GALNT18: variants seen among roughly 807,000 people sequenced by gnomAD.
The protein encoded by GALNT18 is GalNAc-transferase 18.
In GALNT18, 44 loss-of-function variants were observed where a neutral mutation model predicts 69.5. The observed-to-expected ratio is 0.63, with a 90% CI of 0.50 to 0.81. GALNT18 has a LOEUF of 0.81. Ranked by LOEUF, GALNT18 falls within the 40% of genes least tolerant of loss-of-function variation. GALNT18 has a pLI of 0.00. For synonymous variants in GALNT18, 364 were observed against 318.2 expected (o/e 1.14, Z -1.53); for missense variants, 715 against 810.0 (o/e 0.88, Z 1.42).
intron 1 of GALNT18, chr11:11,475,923 C>T (rs1856385097): frequency 6.6e-6 from 1 of 152,170 alleles, no homozygotes; most frequent in South Asian, 2.1e-4. Context: ...AAACAACAGG[C>T]ACTGAATCCA....
At chr11:11,360,523 A>C (rs1850622491) in intron 6 of GALNT18, among the ~76,000 whole-genome samples, 1 of 152,168 alleles carries the variant, frequency 6.6e-6, no homozygotes, top group South Asian at 2.1e-4. Flanking sequence ...CTAATTTTCT[A>C]GTTTTATTTT....
At chr11:11,311,739 G>A (rs1279088134) in intron 9 of GALNT18, among the ~76,000 whole-genome samples, 5 of 152,230 alleles carry the variant, frequency 3.3e-5, no homozygotes, top group African/African-American at 9.6e-5. Flanking sequence ...ATCCCAGGTC[G>A]CCATAAAAAT....
intron 1 of GALNT18, among the ~76,000 whole-genome samples, chr11:11,450,329 G>A (rs993481715): frequency 2.0e-5 from 3 of 152,176 alleles, no homozygotes; most frequent in African/African-American, 7.2e-5. Context: ...AGGCTGGAGT[G>A]CTGGGGCTAT....
At chr11:11,471,409 T>C (rs1361013578) in intron 1 of GALNT18, among the ~76,000 whole-genome samples, 1 of 152,184 alleles carries the variant, frequency 6.6e-6, no homozygotes, top group Non-Finnish European at 1.5e-5. Context: ...AGCCCTGACA[T>C]AGTATTGTTC....
intron 6 of GALNT18, among the ~76,000 whole-genome samples, chr11:11,344,172 G>C (rs898585073): frequency 2.0e-5 from 3 of 151,964 alleles, no homozygotes; most frequent in African/African-American, 4.8e-5. Flanking sequence ...CACCCCTCCA[G>C]CCCTGACCTT....
At chr11:11,431,043 T>C (rs1201402098) in intron 3 of GALNT18, among the ~76,000 whole-genome samples, 3 of 152,234 alleles carry the variant, frequency 2.0e-5, no homozygotes, top group Non-Finnish European at 4.4e-5. Flanking sequence ...AGACTCAATA[T>C]CAGCTTTGTC....
intron 10 of GALNT18, among the ~76,000 whole-genome samples, chr11:11,278,943 T>A (rs1028044071): frequency 6.6e-6 from 1 of 152,240 alleles, no homozygotes; most frequent in African/African-American, 2.4e-5. Context: ...TATGCCTGTA[T>A]GACAGCATTA....
In GALNT18 at chr11:11,500,794, T is replaced by C. The variant is rs1010214026; in HGVS notation, c.236-51858A>G. 6.6e-6 allele frequency among the ~76,000 whole-genome samples: 1 copy of C among 152,170 alleles called. No individual in the cohort carries two copies. Among genetic ancestry groups the C allele is most frequent in the South Asian group, 2.1e-4 (1 of 4,824 alleles). On this transcript the variant is annotated intron_variant, in intron 1 of 10. Transcript: ENST00000227756. The surrounding 1 kb of genome is among the most constrained non-coding windows in gnomAD (Gnocchi z 5.0). ...GGATCTCCTTTTCATGTATTTTCTG[T>C]ACAAATAAAGAAGGTAAAAAGGCCG...
chr11:11,380,969 G>A (rs529015359), intron 3 of GALNT18, among the ~76,000 whole-genome samples: 23 of 152,286 alleles, frequency 1.5e-4, no homozygotes, highest in South Asian at 6.2e-4. Context: ...GGCTGTCAGT[G>A]TCCTCATTCC....
intron 1 of GALNT18, among the ~76,000 whole-genome samples, chr11:11,482,318 G>C (rs999292590): frequency 2.6e-5 from 4 of 152,268 alleles, no homozygotes; most frequent in African/African-American, 9.6e-5. Context: ...CTCTGCCCTA[G>C]AGCTGTGCTC....
intron 1 of GALNT18, among the ~76,000 whole-genome samples, chr11:11,611,420 T>C (rs1001887947): frequency 6.6e-6 from 1 of 152,208 alleles, no homozygotes; most frequent in Non-Finnish European, 1.5e-5. Flanking sequence ...ACCCTCACCT[T>C]CTTCTTTGTA....
rs375972002 is a variant in GALNT18 at position 11,283,539 on chromosome 11, G to A, written c.1677+9490C>T. On this transcript the variant is annotated intron_variant, in intron 10 of 10. Coordinates refer to ENST00000227756, the MANE Select transcript of GALNT18 (RefSeq NM_198516.3). ...GTTGGGCACAGAGCATTGGAGGAAG[G>A]AAGGAAGAAGGGACACATGTTAGCC... Among the ~76,000 whole-genome samples, 11 of 152,294 alleles carry A rather than the reference G, an allele frequency of 7.2e-5. 1 individual carries two copies. The highest frequency in any genetic ancestry group is 2.4e-4 in the African/African-American group (10 of 41,556).
chr11:11,373,667 C>T (rs1850966093), intron 5 of GALNT18, among the ~76,000 whole-genome samples: 1 of 152,210 alleles, frequency 6.6e-6, no homozygotes, highest in African/African-American at 2.4e-5. Flanking sequence ...GAAGGCTTTT[C>T]CTTCCTTGAG....
rs141968338 is a variant in GALNT18 at position 11,544,356 on chromosome 11, C to T, written c.235+77003G>A. On this transcript the variant is annotated intron_variant, in intron 1 of 10. Coordinates refer to ENST00000227756, the MANE Select transcript of GALNT18 (RefSeq NM_198516.3). ...TAATAATGAAACACTCTGATACCTGCTAAGTTCCTTCTGTGCTAGTTCTGT... is the reference window on the plus strand; with the variant it reads ...TAATAATGAAACACTCTGATACCTGTTAAGTTCCTTCTGTGCTAGTTCTGT... Among the ~76,000 whole-genome samples the T allele has an allele frequency of 5.3e-4, 80 of 152,338 alleles. No homozygotes were observed. The East Asian group carries it at 0.015, about 29-fold the overall frequency.
In GALNT18 at chr11:11,619,267, A is replaced by G. The variant is rs1860129873; in HGVS notation, c.235+2092T>C. 6.6e-6 allele frequency among the ~76,000 whole-genome samples: 1 copy of G among 152,188 alleles called. No individual in the cohort carries two copies. Among genetic ancestry groups the G allele is most frequent in the Non-Finnish European group, 1.5e-5 (1 of 68,036 alleles). Reference sequence around the variant, plus strand: ...CCACAGGGGTCATTGCACGTGTACAAGTGGAACAACACGTGTTTTAGGGAC... The same window carrying G: ...CCACAGGGGTCATTGCACGTGTACAGGTGGAACAACACGTGTTTTAGGGAC... On this transcript the variant is annotated intron_variant, in intron 1 of 10. Coordinates refer to ENST00000227756, the MANE Select transcript of GALNT18 (RefSeq NM_198516.3). The surrounding 1 kb of genome is among the most constrained non-coding windows in gnomAD (Gnocchi z 4.9).
Position 11,542,236 on chromosome 11 carries a change from G to T in GALNT18, c.235+79123C>A, listed in dbSNP as rs1320090970. On this transcript the variant is annotated intron_variant, in intron 1 of 10. Transcript: ENST00000227756. The surrounding 1 kb of genome is among the most constrained non-coding windows in gnomAD (Gnocchi z 4.3). ...AAAGCAAAACAAAACTGTGGGAACAGCCTGTCATCTCACTCAGAGCTCCCC... is the reference window on the plus strand; with the variant it reads ...AAAGCAAAACAAAACTGTGGGAACATCCTGTCATCTCACTCAGAGCTCCCC... 1.3e-5 allele frequency among the ~76,000 whole-genome samples: 2 copies of T among 152,092 alleles called. No individual in the cohort carries two copies. Among genetic ancestry groups the T allele is most frequent in the Non-Finnish European group, 2.9e-5 (2 of 68,000 alleles).
intron 1 of GALNT18, among the ~76,000 whole-genome samples, chr11:11,526,919 T>C (rs1251655313): frequency 6.6e-6 from 1 of 152,186 alleles, no homozygotes; most frequent in Admixed American, 6.5e-5. Context: ...CACTCTAAGA[T>C]GGACAGGTTC....
At position 11,613,105 on chromosome 11, in the gene GALNT18, A is replaced by G. The variant is rs80168156; in HGVS notation, c.235+8254T>C. 0.015 allele frequency among the ~76,000 whole-genome samples: 2,268 copies of G among 152,358 alleles called. 58 individuals carry two copies. The highest frequency in any genetic ancestry group is 0.053 in the African/African-American group (2,193 of 41,576). On this transcript the variant is annotated intron_variant, in intron 1 of 10. Coordinates refer to ENST00000227756, the MANE Select transcript of GALNT18 (RefSeq NM_198516.3). The surrounding 1 kb of genome is among the most constrained non-coding windows in gnomAD (Gnocchi z 4.2). Reference sequence around the variant, plus strand: ...AGGCAGTGAAAGAGAACTACATCTCAGTACTGCATCCCCACTGGGACGAAC... The same window carrying G: ...AGGCAGTGAAAGAGAACTACATCTCGGTACTGCATCCCCACTGGGACGAAC...
At chr11:11,530,465 CAGTGGGCA>C (rs1028081951) in intron 1 of GALNT18, among the ~76,000 whole-genome samples, 1 of 152,178 alleles carries the variant, frequency 6.6e-6, no homozygotes, top group Non-Finnish European at 1.5e-5. Flanking sequence ...CTCAAAATGC[CAGTGGGCA>C]GGACAGGCCC....
Sources: allele counts gnomAD v4.1 joint callset (sites outside exome capture counted in the v4.1 genomes callset), GRCh38; gene constraint gnomAD v4.1.1; non-coding constraint Gnocchi (gnomAD v3.1); transcripts MANE v1.5; gene names NCBI Gene and HGNC (gene_info 2026-07-23, HGNC 2026-07-21).